Variants in SMYD3 observed in about 807,000 individuals in gnomAD.
SMYD3 encodes SET and MYND domain containing 3, also known as histone-lysine N-methyltransferase SMYD3.
SMYD3 carries 36 observed loss-of-function variants against 57.7 expected under a neutral mutation model. The observed-to-expected ratio is 0.62, with a 90% CI of 0.48 to 0.82. SMYD3 has a LOEUF of 0.82. Among genes scored for constraint, SMYD3 ranks in the 40% least tolerant of loss-of-function variants. The pLI, the probability that SMYD3 is intolerant of heterozygous loss-of-function variation, is 0.00. For synonymous variants in SMYD3, 211 were observed against 195.0 expected (o/e 1.08, Z -0.68); for missense variants, 515 against 538.8 (o/e 0.96, Z 0.44).
intron 7 of SMYD3, among the ~76,000 whole-genome samples, chr1:245,926,976 C>T (rs999098994): frequency 5.9e-5 from 9 of 152,200 alleles, no homozygotes; most frequent in Admixed American, 5.2e-4. Context: ...GAAGTGGCTC[C>T]TTCCACTGAA....
chr1:246,099,929 T>C (rs974657404), intron 5 of SMYD3, among the ~76,000 whole-genome samples: 13 of 152,242 alleles, frequency 8.5e-5, no homozygotes, highest in African/African-American at 3.1e-4. Context: ...CAGTTCTCCG[T>C]GCCAAAGGAA....
intron 10 of SMYD3, among the ~76,000 whole-genome samples, chr1:245,779,229 T>A (rs2046737258): frequency 6.6e-6 from 1 of 151,150 alleles, no homozygotes; most frequent in African/African-American, 2.4e-5. Flanking sequence ...TGAAATTATT[T>A]GCAAAATATA....
chr1:246,356,586 A>T (rs2065912930), intron 1 of SMYD3, among the ~76,000 whole-genome samples: 1 of 152,206 alleles, frequency 6.6e-6, no homozygotes, highest in Admixed American at 6.5e-5. Flanking sequence ...GTGAAATAGC[A>T]TAAATAAAAA....
intron 5 of SMYD3, among the ~76,000 whole-genome samples, chr1:245,969,974 A>T (rs2058254353): frequency 6.7e-6 from 1 of 149,326 alleles, no homozygotes; most frequent in Admixed American, 6.7e-5. Flanking sequence ...TAAATTTCAT[A>T]TGGAGCCCAA....
At chr1:246,494,488 G>A (rs1310926050) in intron 1 of SMYD3, among the ~76,000 whole-genome samples, 1 of 152,146 alleles carries the variant, frequency 6.6e-6, no homozygotes, top group African/African-American at 2.4e-5. Context: ...AATTCCACAG[G>A]TAAATGTGTA....
At chr1:246,089,487 T>A (rs566524436) in intron 5 of SMYD3, among the ~76,000 whole-genome samples, 45 of 152,212 alleles carry the variant, frequency 3.0e-4, no homozygotes, top group Non-Finnish European at 5.7e-4. Flanking sequence ...AACCCATCCC[T>A]ATTTCGAGCC....
intron 10 of SMYD3, among the ~76,000 whole-genome samples, chr1:245,798,484 C>A (rs1348689944): frequency 1.5e-5 from 2 of 132,154 alleles, no homozygotes; most frequent in African/African-American, 5.8e-5. Context: ...ACACAACACA[C>A]CACACACACA....
At chr1:246,478,884 G>A (rs969940276) in intron 1 of SMYD3, among the ~76,000 whole-genome samples, 12 of 131,912 alleles carry the variant, frequency 9.1e-5, no homozygotes, top group African/African-American at 3.5e-4. Context: ...CCTGTCCTCC[G>A]TCCTGGAGCT....
chr1:246,209,811 G>T (rs116517157), intron 5 of SMYD3, among the ~76,000 whole-genome samples: 1,701 of 152,260 alleles, frequency 0.011, 23 homozygotes, highest in Middle Eastern at 0.031. Context: ...CCAGTTTCTG[G>T]AAAGAACTCA....
At chr1:246,093,953 A>G (rs1021839710) in intron 5 of SMYD3, among the ~76,000 whole-genome samples, 3 of 152,176 alleles carry the variant, frequency 2.0e-5, no homozygotes, top group Non-Finnish European at 4.4e-5. Context: ...GGTTTACTAG[A>G]AGTCGGTGTA....
rs995284479 is a variant in SMYD3, at chr1:245,807,595, C to T, written c.1077-43446G>A. Among the ~76,000 whole-genome samples, 8 of 152,226 alleles carry T rather than the reference C, an allele frequency of 5.3e-5. No homozygotes were observed. The East Asian group carries it at 1.2e-3, about 22-fold the overall frequency. On this transcript the variant is annotated intron_variant, in intron 10 of 11. Transcript: ENST00000490107. ...ATCGCAGCCAACTCAAAACCGCACT[C>T]GAAAACGGCCTTGCATTCATGGACT...
chr1:246,502,284 A>G (rs1444271810), intron 1 of SMYD3, among the ~76,000 whole-genome samples: 7 of 151,938 alleles, frequency 4.6e-5, no homozygotes, highest in Non-Finnish European at 1.0e-4. Flanking sequence ...GACTACAGGC[A>G]TGCACCCAGG....
intron 5 of SMYD3, among the ~76,000 whole-genome samples, chr1:246,033,940 T>C (rs1217698934): frequency 1.3e-5 from 2 of 152,208 alleles, no homozygotes; most frequent in Non-Finnish European, 2.9e-5. Flanking sequence ...CTTACAACTG[T>C]ATATGAATCT....
chr1:246,344,878 T>G (rs1428954526), intron 2 of SMYD3, among the ~76,000 whole-genome samples: 1 of 152,226 alleles, frequency 6.6e-6, no homozygotes. Flanking sequence ...ATTCAAATCT[T>G]TTACCTGTTT....
intron 8 of SMYD3, among the ~76,000 whole-genome samples, chr1:245,878,303 G>A (rs759496600): frequency 3.3e-5 from 5 of 152,176 alleles, no homozygotes; most frequent in Non-Finnish European, 5.9e-5. Flanking sequence ...GTGTGGGCAC[G>A]TTTATGCCAC....
chr1:246,289,025 G>A (rs950873760), intron 5 of SMYD3, among the ~76,000 whole-genome samples: 9 of 152,202 alleles, frequency 5.9e-5, no homozygotes, highest in African/African-American at 1.9e-4. Context: ...TGAGGCAGGA[G>A]AATCGCTTGA....
In SMYD3 at chr1:246,467,169, C is replaced by CA. The variant is rs200122402; in HGVS notation, c.164+39884dup. Among the ~76,000 whole-genome samples, 334 of 150,934 alleles carry CA rather than the reference C, an allele frequency of 2.2e-3. 1 individual carries two copies. Among genetic ancestry groups the CA allele is most frequent in the African/African-American group, 7.9e-3 (327 of 41,180 alleles). On this transcript the variant is annotated intron_variant, in intron 1 of 11. Transcript: ENST00000490107. Reference sequence around the variant, plus strand: ...TTGGCGACAGAGTGAGACTCCATCTCAAAAAAAATAAATAAATAAAATTTA... The same window carrying CA: ...TTGGCGACAGAGTGAGACTCCATCTCAAAAAAAAATAAATAAATAAAATTTA...
chr1:245,919,010 C>T (rs2055660924), intron 7 of SMYD3, among the ~76,000 whole-genome samples: 1 of 152,204 alleles, frequency 6.6e-6, no homozygotes, highest in Non-Finnish European at 1.5e-5. Flanking sequence ...GAATGGCCAA[C>T]AGGAGACTAG....
At chr1:246,019,680 G>T (rs1297860780) in intron 5 of SMYD3, among the ~76,000 whole-genome samples, 1 of 152,078 alleles carries the variant, frequency 6.6e-6, no homozygotes, top group East Asian at 1.9e-4. Flanking sequence ...GTCCATCTGT[G>T]CTATCTTAAA....
Sources: allele counts gnomAD v4.1 joint callset (sites outside exome capture counted in the v4.1 genomes callset), GRCh38; gene constraint gnomAD v4.1.1; transcripts MANE v1.5; gene names NCBI Gene and HGNC (gene_info 2026-07-23, HGNC 2026-07-21).